Variants in RNF126 observed in about 807,000 individuals in gnomAD.
RNF126 encodes the protein E3 ubiquitin-protein ligase RNF126.
In RNF126, 20 loss-of-function variants were observed where a neutral mutation model predicts 41.9. The observed-to-expected ratio is 0.48, with a 90% CI of 0.34 to 0.69. The LOEUF (loss-of-function observed/expected upper bound fraction) is 0.69, where lower values mean the gene tolerates loss of function less well. Among genes scored for constraint, RNF126 ranks in the 30% least tolerant of loss-of-function variants. The pLI is 0.01. For missense variants in RNF126, 433 were observed against 460.6 expected, an observed-to-expected ratio of 0.94 and a Z score of 0.55; for synonymous variants, 239 against 202.9, an observed-to-expected ratio of 1.18 and a Z score of -1.51.
rs529984887 is a variant in RNF126, at chr19:660,886, G to A, written c.75+2161C>T. 7.2e-5 allele frequency among the ~76,000 whole-genome samples: 11 copies of A among 152,346 alleles called. No homozygotes were observed. In the South Asian group the frequency reaches 1.7e-3, roughly 23 times the overall value. On this transcript the variant is annotated intron_variant, in intron 1 of 8. Coordinates refer to ENST00000292363, the MANE Select transcript of RNF126 (RefSeq NM_194460.3). ...ATGCTGTCTACGGGCGCCTTGTTGCGTCCTGCTCCAAAGGCACAAGCAGAT... is the reference window on the plus strand; with the variant it reads ...ATGCTGTCTACGGGCGCCTTGTTGCATCCTGCTCCAAAGGCACAAGCAGAT...
At chr19:655,816 T>C (rs2030539819) in intron 1 of RNF126, among the ~76,000 whole-genome samples, 1 of 151,716 alleles carries the variant, frequency 6.6e-6, no homozygotes, top group East Asian at 1.9e-4. Flanking sequence ...ACAGCTCCAG[T>C]GTCCACCCGC....
chr19:653,924 A>G (rs2030444321), intron 1 of RNF126, among the ~76,000 whole-genome samples: 2 of 152,176 alleles, frequency 1.3e-5, no homozygotes, highest in African/African-American at 4.8e-5. Context: ...CCCACCGTGC[A>G]TGGGGGAGTG....
chr19:659,339 G>C lies in RNF126; in HGVS notation c.75+3708C>G, dbSNP rs954213344. 6.6e-6 allele frequency among the ~76,000 whole-genome samples: 1 copy of C among 152,136 alleles called. No homozygotes were observed. The highest frequency in any genetic ancestry group is 2.4e-5 in the African/African-American group (1 of 41,440). On this transcript the variant is annotated intron_variant, in intron 1 of 8. Coordinates refer to ENST00000292363, the MANE Select transcript of RNF126 (RefSeq NM_194460.3). The surrounding 1 kb of genome is among the most constrained non-coding windows in gnomAD (Gnocchi z 4.9). Reference sequence around the variant, plus strand: ...TGGCCGTAGCAGCCCTCACTTCCTGGTGGCTCCCCGCCCACGCCGGCTCTT... The same window carrying C: ...TGGCCGTAGCAGCCCTCACTTCCTGCTGGCTCCCCGCCCACGCCGGCTCTT...
At chr19:648,652 C>G (rs1032117456) in intron 7 of RNF126, among the ~76,000 whole-genome samples, 165 bp from the exon 8 acceptor site, 1 of 152,170 alleles carries the variant, frequency 6.6e-6, no homozygotes. Context: ...GGACAGAACC[C>G]TCTCCTCCCA....
In RNF126 at chr19:651,983, G is replaced by A. The variant is rs532348591; in HGVS notation, c.199-128C>T. 2,055 of 854,052 alleles carry A rather than the reference G, an allele frequency of 2.4e-3. 4 individuals are homozygous for A. Among genetic ancestry groups the A allele is most frequent in the Non-Finnish European group, 2.9e-3 (1,654 of 566,400 alleles). The allele number at this position is 854,052 out of a possible 1,614,324, so 52.9% of individuals were successfully genotyped here. On this transcript the variant is annotated intron_variant, in intron 3 of 8. Transcript: ENST00000292363. Reference sequence around the variant, plus strand: ...GGGTGCCGGGTGGGAGGGAGACGCAGACAGGGAGGCAGGAATTGGGCAGAG... The same window carrying A: ...GGGTGCCGGGTGGGAGGGAGACGCAAACAGGGAGGCAGGAATTGGGCAGAG...
At chr19:648,654 C>A (rs2030101586) in intron 7 of RNF126, among the ~76,000 whole-genome samples, 167 bp from the exon 8 acceptor site, 1 of 152,186 alleles carries the variant, frequency 6.6e-6, no homozygotes, top group African/African-American at 2.4e-5. Context: ...ACAGAACCCT[C>A]TCCTCCCAGC....
At chr19:649,070 CCG>C (rs1437366564) in intron 6 of RNF126, 95 bp from the exon 7 acceptor site, 1 of 576,116 alleles carries the variant, frequency 1.7e-6, no homozygotes, top group Non-Finnish European at 2.7e-6. Context: ...AGCACCGAGG[CCG>C]CGTTTGTCCT....
intron 4 of RNF126, among the ~76,000 whole-genome samples, chr19:650,868 A>G (rs1029917939): frequency 2.0e-5 from 3 of 152,122 alleles, no homozygotes; most frequent in African/African-American, 7.2e-5. Context: ...CTAGGATTAC[A>G]GGTGTGAGCC....
intron 1 of RNF126, among the ~76,000 whole-genome samples, chr19:654,262 A>G (rs1405260884): frequency 2.6e-5 from 4 of 152,310 alleles, no homozygotes; most frequent in African/African-American, 9.6e-5. Flanking sequence ...GGCACCATCT[A>G]CAATATAGAA....
At position 652,247 on chromosome 19, in the gene RNF126, G is replaced by C; in HGVS notation, c.184C>G (p.Arg62Gly). 1 of 1,538,314 alleles carries C rather than the reference G, an allele frequency of 6.5e-7. No individual in the cohort carries two copies. Among genetic ancestry groups the C allele is most frequent in the Non-Finnish European group, 8.7e-7 (1 of 1,154,072 alleles). ...APSTAPTDQS[R>G]PPLEHVDQHL... ...GGGCGACTCACCTCCAACGGTGGCC[G>C]GCTCTGGTCTGTGGGAGCTGTGGAG... is the stretch of plus-strand genomic sequence containing the variant. Residue 62 changes from arginine (R) to glycine (G), a missense_variant, in exon 3 of 9, where the codon CGG (arginine) becomes GGG (glycine). Physicochemically the swap from Arg to Gly is moderately radical, Grantham distance 125 (BLOSUM62 -2). Transcript: ENST00000292363.
At chr19:661,415 G>A (rs1240449410) in intron 1 of RNF126, 1 of 152,406 alleles carries the variant, frequency 6.6e-6, no homozygotes, top group Admixed American at 6.5e-5. Flanking sequence ...GGGACAGAAA[G>A]CTGGAAGAGG....
chr19:650,775 T>G (rs530802486), intron 4 of RNF126, among the ~76,000 whole-genome samples: 1 of 152,046 alleles, frequency 6.6e-6, no homozygotes, highest in Non-Finnish European at 1.5e-5. Flanking sequence ...GTATTCTTAG[T>G]AGAGACGGAG....
At position 648,183 on chromosome 19, in the gene RNF126, G is replaced by C; in HGVS notation, c.881C>G (p.Ser294Trp). 1 of 1,607,450 alleles carries C rather than the reference G, an allele frequency of 6.2e-7. No homozygotes were observed. The highest frequency in any genetic ancestry group is 8.5e-7 in the Non-Finnish European group (1 of 1,176,204). Residue 294 changes from serine (S) to tryptophan (W), a missense_variant, in exon 9 of 9, where the codon TCG (serine) becomes TGG (tryptophan). Transcript: ENST00000292363. ...GGGCGAGCTGGAGGAGGACGATGAC[G>C]ACGAGGAGGAGAAGCTCACCCCAGT... ...GLTGVSFSSS[S>W]SSSSSSSPSN...
intron 3 of RNF126, 38 bp downstream of exon 3, chr19:652,195 C>T: frequency 1.3e-6 from 2 of 1,487,796 alleles, no homozygotes; most frequent in Non-Finnish European, 1.8e-6. Flanking sequence ...CCGAGCAAGG[C>T]TGACACGATC....
intron 2 of RNF126, 87 bp downstream of exon 2, chr19:652,739 C>G (rs12973146): frequency 0.62 from 766,872 of 1,245,224 alleles, 240,874 homozygotes; most frequent in African/African-American, 0.91. Context: ...CCACACTCGG[C>G]GGGGCGGACG....
intron 1 of RNF126, among the ~76,000 whole-genome samples, chr19:656,687 C>T (rs1423873210): frequency 2.0e-5 from 3 of 152,118 alleles, no homozygotes. Context: ...GGGGAAGCAG[C>T]CAACGACCAC....
At chr19:661,944 T>C (rs543163874) in intron 1 of RNF126, among the ~76,000 whole-genome samples, 31 of 152,160 alleles carry the variant, frequency 2.0e-4, no homozygotes, top group African/African-American at 7.2e-4. Context: ...CGCGCCTCAG[T>C]TTCCCCATCT....
rs1419609239 is a variant in RNF126, at chr19:659,462, C to T, written c.75+3585G>A. 2.0e-5 allele frequency among the ~76,000 whole-genome samples: 3 copies of T among 152,120 alleles called. No homozygotes were observed. Among genetic ancestry groups the T allele is most frequent in the South Asian group, 2.1e-4 (1 of 4,836 alleles). ...TTGCAGGCGTTCGGGGGTGGGGGGT[C>T]GGCAGGCAGAGCTGGAACCACCCTA... On this transcript the variant is annotated intron_variant, in intron 1 of 8. Coordinates refer to ENST00000292363, the MANE Select transcript of RNF126 (RefSeq NM_194460.3). The surrounding 1 kb of genome is among the most constrained non-coding windows in gnomAD (Gnocchi z 4.9).
At position 649,761 on chromosome 19, in the gene RNF126, G is replaced by C; in HGVS notation, c.507-13C>G. ...GTGCAGGACTCCCCTGGAGGTGGAA[G>C]GTGGGGTTCAAGTGGCTGACGGGCA... On this transcript the variant is annotated splice_polypyrimidine_tract_variant and intron_variant, in intron 5 of 8. Coordinates refer to ENST00000292363, the MANE Select transcript of RNF126 (RefSeq NM_194460.3). 6.4e-7 allele frequency: 1 copy of C among 1,558,484 alleles called. No homozygotes were observed.
Sources: gnomAD v4.1 joint callset for allele counts (sites outside exome capture counted in the v4.1 genomes callset) on GRCh38, gnomAD v4.1.1 for gene constraint, Gnocchi (gnomAD v3.1) non-coding constraint, MANE v1.5 for transcripts, NCBI Gene and HGNC (gene_info 2026-07-23, HGNC 2026-07-21) for gene names.